Variants in CPNE4 observed in about 807,000 individuals in gnomAD.
CPNE4 encodes copine 4.
Under a neutral mutation model 67.9 loss-of-function variants are expected in CPNE4, and 25 were observed. The ratio of observed to expected loss-of-function variants is 0.37; its 90% confidence interval spans 0.27 to 0.51. CPNE4 has a LOEUF of 0.51. Among genes scored for constraint, CPNE4 ranks in the 20% least tolerant of loss-of-function variants. The pLI is 0.93. For synonymous variants in CPNE4, 242 were observed against 244.9 expected, an observed-to-expected ratio of 0.99 and a Z score of 0.11; for missense variants, 464 against 690.8, an observed-to-expected ratio of 0.67 and a Z score of 3.68.
intron 5 of CPNE4, among the ~76,000 whole-genome samples, chr3:131,688,565 C>T (rs2080953269): frequency 6.6e-6 from 1 of 152,194 alleles, no homozygotes; most frequent in Non-Finnish European, 1.5e-5. Flanking sequence ...CCTTGGGCTC[C>T]TCCTGTAACT....
chr3:131,899,079 G>T (rs1398490859), intron 2 of CPNE4, among the ~76,000 whole-genome samples: 1 of 152,088 alleles, frequency 6.6e-6, no homozygotes. Flanking sequence ...GATATCCAGA[G>T]GGAATGTTTT....
At chr3:132,016,401 T>C (rs1057148851) in intron 1 of CPNE4, among the ~76,000 whole-genome samples, 3 of 152,166 alleles carry the variant, frequency 2.0e-5, no homozygotes, top group African/African-American at 7.2e-5. Context: ...TGTCAGCAGG[T>C]TTTTGCCTGC....
At chr3:131,601,517 T>A in intron 7 of CPNE4, among the ~76,000 whole-genome samples, 1 of 152,296 alleles carries the variant, frequency 6.6e-6, no homozygotes, top group Non-Finnish European at 1.5e-5. Context: ...AATAAAAACC[T>A]GGTAGTACCT....
intron 2 of CPNE4, among the ~76,000 whole-genome samples, chr3:131,770,319 C>T (rs2083134033): frequency 6.6e-6 from 1 of 152,222 alleles, no homozygotes; most frequent in Admixed American, 6.5e-5. Flanking sequence ...ATAACCATCA[C>T]TGCCTTCAAT....
chr3:131,991,648 G>C (rs1186161873), intron 1 of CPNE4, among the ~76,000 whole-genome samples: 1 of 136,068 alleles, frequency 7.3e-6, no homozygotes, highest in East Asian at 2.4e-4. Flanking sequence ...TTTCTGGGGA[G>C]AAATTCAAGC....
intron 8 of CPNE4, among the ~76,000 whole-genome samples, chr3:131,583,372 G>T (rs1937967117): frequency 6.6e-6 from 1 of 152,088 alleles, no homozygotes; most frequent in Non-Finnish European, 1.5e-5. Context: ...TATCAAAACT[G>T]ATATTGTCTT....
At chr3:131,898,237 T>C (rs1192546755) in intron 2 of CPNE4, among the ~76,000 whole-genome samples, 4 of 152,116 alleles carry the variant, frequency 2.6e-5, no homozygotes, top group Non-Finnish European at 4.4e-5. Flanking sequence ...AGAAGACTCC[T>C]AATTGTACAT....
chr3:131,741,016 A>T (rs768562334), intron 2 of CPNE4, among the ~76,000 whole-genome samples: 1 of 152,110 alleles, frequency 6.6e-6, no homozygotes, highest in Non-Finnish European at 1.5e-5. Context: ...TCAGATCCGT[A>T]CTTAAATGTC....
chr3:131,640,942 G>T (rs1273991664), intron 7 of CPNE4, among the ~76,000 whole-genome samples: 1 of 152,124 alleles, frequency 6.6e-6, no homozygotes, highest in Non-Finnish European at 1.5e-5. Flanking sequence ...AACAAATGGT[G>T]CTGGGATAAT....
At chr3:131,725,732 A>AT (rs1474209396) in intron 2 of CPNE4, among the ~76,000 whole-genome samples, 2 of 152,172 alleles carry the variant, frequency 1.3e-5, no homozygotes, top group Admixed American at 1.3e-4. Context: ...TACTCAAAGT[A>AT]TTTTTCCCTT....
intron 2 of CPNE4, among the ~76,000 whole-genome samples, chr3:131,869,805 C>A (rs1583371046): frequency 6.6e-6 from 1 of 152,112 alleles, no homozygotes; most frequent in African/African-American, 2.4e-5. Flanking sequence ...TACATATTTT[C>A]ATTTATGTTT....
chr3:131,657,576 C>T (rs1350655881), intron 7 of CPNE4, among the ~76,000 whole-genome samples: 4 of 143,114 alleles, frequency 2.8e-5, no homozygotes, highest in African/African-American at 1.0e-4. Context: ...CACTCTGTCG[C>T]CAGGCTGGAG....
chr3:131,805,483 C>T (rs2107924978), intron 2 of CPNE4, among the ~76,000 whole-genome samples: 1 of 152,278 alleles, frequency 6.6e-6, no homozygotes, highest in East Asian at 1.9e-4. Context: ...AAATTCGATC[C>T]TCATTTATTA....
At chr3:131,543,634 G>T (rs1255482583) in intron 14 of CPNE4, among the ~76,000 whole-genome samples, 1 of 151,924 alleles carries the variant, frequency 6.6e-6, no homozygotes, top group Admixed American at 6.6e-5. Flanking sequence ...TGGCTATGTT[G>T]GTTTAAATAA....
intron 2 of CPNE4, among the ~76,000 whole-genome samples, chr3:131,842,601 C>A (rs1041477932): frequency 6.6e-6 from 1 of 151,838 alleles, no homozygotes; most frequent in Non-Finnish European, 1.5e-5. Context: ...CTATTTACAC[C>A]AACATGATTG....
intron 1 of CPNE4, among the ~76,000 whole-genome samples, chr3:131,977,987 C>T (rs1381503118): frequency 7.0e-6 from 1 of 142,632 alleles, no homozygotes; most frequent in African/African-American, 2.7e-5. Context: ...TAATCTCATC[C>T]AGGTCACTGC....
intron 2 of CPNE4, among the ~76,000 whole-genome samples, chr3:131,869,239 C>T (rs1033246100): frequency 7.2e-5 from 11 of 152,102 alleles, no homozygotes; most frequent in Admixed American, 1.3e-4. Context: ...GGGAACTCAA[C>T]CTTGCTTCTC....
chr3:131,930,759 G>A (rs957802305), intron 1 of CPNE4, among the ~76,000 whole-genome samples: 4 of 152,096 alleles, frequency 2.6e-5, no homozygotes, highest in African/African-American at 9.7e-5. Context: ...TCACATATGG[G>A]AGCTTAAAGA....
chr3:131,641,320 A>G (rs898748667), intron 7 of CPNE4, among the ~76,000 whole-genome samples: 1 of 150,124 alleles, frequency 6.7e-6, no homozygotes, highest in African/African-American at 2.5e-5. Context: ...AATCAGCAAG[A>G]AAAAAAAAAT....
Sources: gnomAD v4.1 joint callset for allele counts (sites outside exome capture counted in the v4.1 genomes callset) on GRCh38, gnomAD v4.1.1 for gene constraint, MANE v1.5 for transcripts, NCBI Gene and HGNC (gene_info 2026-07-23, HGNC 2026-07-21) for gene names.